LGR4: variants seen among roughly 807,000 people sequenced by gnomAD.
LGR4 encodes the protein leucine rich repeat containing G protein-coupled receptor 4.
In LGR4, 44 loss-of-function variants were observed where a neutral mutation model predicts 84.8. The ratio of observed to expected loss-of-function variants is 0.52; its 90% CI spans 0.41 to 0.67. LGR4 has a LOEUF of 0.67. LGR4 is among the 30% of genes least tolerant of loss of function. LGR4 has a pLI of 0.00. For missense variants in LGR4, 1,032 were observed against 1,131.4 expected (o/e 0.91, Z 1.26); for synonymous variants, 429 against 434.3 (o/e 0.99, Z 0.15).
At chr11:27,444,806 C>A (rs1357269898) in intron 1 of LGR4, among the ~76,000 whole-genome samples, 2 of 152,274 alleles carry the variant, frequency 1.3e-5, no homozygotes, top group Middle Eastern at 3.4e-3. Context: ...TCTGAAAATA[C>A]CTAGTTCTGC....
chr11:27,457,145 T>C (rs952631582), intron 1 of LGR4, among the ~76,000 whole-genome samples: 1 of 152,192 alleles, frequency 6.6e-6, no homozygotes, highest in African/African-American at 2.4e-5. Flanking sequence ...TAAATCCCAG[T>C]TTGCTCAGTG....
chr11:27,456,860 G>T (rs1864584298), intron 1 of LGR4, among the ~76,000 whole-genome samples: 1 of 151,970 alleles, frequency 6.6e-6, no homozygotes, highest in Non-Finnish European at 1.5e-5. Context: ...GTAGATTTTT[G>T]ACTCTAAATC....
chr11:27,449,666 A>G (rs1287329808), intron 1 of LGR4, among the ~76,000 whole-genome samples: 2 of 152,136 alleles, frequency 1.3e-5, no homozygotes, highest in African/African-American at 4.8e-5. Context: ...TAAAAAGTAA[A>G]TAAAATAAAA....
chr11:27,455,269 G>A (rs150940571), intron 1 of LGR4, among the ~76,000 whole-genome samples: 1,588 of 152,140 alleles, frequency 0.01, 90 homozygotes, highest in Admixed American at 0.078. Context: ...AATGATTCTG[G>A]TCAAGTCATA....
At chr11:27,407,406 C>T (rs1863631399) in intron 2 of LGR4, among the ~76,000 whole-genome samples, 1 of 152,114 alleles carries the variant, frequency 6.6e-6, no homozygotes, top group African/African-American at 2.4e-5. Flanking sequence ...CAATTCCTGG[C>T]TGTGCTTTTA....
rs150053601 is a variant in LGR4, at chr11:27,457,044, AG to A, written c.185+15073del. On this transcript the variant is annotated intron_variant, in intron 1 of 17. Transcript: ENST00000379214. ...ATTGTCAAATATCTAAGCAAACTAC[AG>A]GGATGAGCAAACTTAAATATGGAAC... is the stretch of plus-strand genomic sequence containing the variant. 9.3e-3 allele frequency among the ~76,000 whole-genome samples: 1,409 copies of A among 152,248 alleles called. 22 individuals carry two copies. The highest frequency in any genetic ancestry group is 0.032 in the African/African-American group (1,325 of 41,546).
At position 27,472,330 on chromosome 11, in the gene LGR4, C is replaced by G. The variant is rs949490013; in HGVS notation, c.-28G>C. The G allele has an allele frequency of 8.4e-7, 1 of 1,195,658 alleles. No individual in the cohort carries two copies. The allele number at this position is 1,195,658 out of a possible 1,614,324, so 74.1% of individuals were successfully genotyped here. A position where few individuals can be genotyped will look rare whatever the true frequency, so the allele number is the denominator to read the frequency against. On this transcript the variant is annotated 5_prime_UTR_variant, in exon 1 of 18. Transcript: ENST00000379214. ...CTGCGGCCGCCTCCCGCGCCGGCCT[C>G]TCCCGCGGCGCTGCTCGCTCCGCTG...
chr11:27,406,910 T>C (rs945487607), intron 2 of LGR4, among the ~76,000 whole-genome samples: 1 of 152,152 alleles, frequency 6.6e-6, no homozygotes, highest in Non-Finnish European at 1.5e-5. Flanking sequence ...AGTCAAACTT[T>C]AGTTTGGAAG....
At chr11:27,433,781 G>A (rs1864158999) in intron 1 of LGR4, among the ~76,000 whole-genome samples, 1 of 152,146 alleles carries the variant, frequency 6.6e-6, no homozygotes, top group African/African-American at 2.4e-5. Flanking sequence ...AGCACAGTGT[G>A]GTGGTTCAAC....
chr11:27,372,499 T>G (rs1434485695), intron 15 of LGR4, 101 bp from the exon 16 acceptor site: 1 of 720,508 alleles, frequency 1.4e-6, no homozygotes, highest in Non-Finnish European at 2.4e-6. Context: ...AGCCTAGGAG[T>G]CAGAAAGATC....
intron 1 of LGR4, among the ~76,000 whole-genome samples, chr11:27,413,222 C>T (rs540591768): frequency 4.6e-5 from 7 of 152,066 alleles, no homozygotes; most frequent in South Asian, 4.2e-4. Flanking sequence ...ACCCTAGGAA[C>T]GATATGTAGA....
chr11:27,372,589 GACA>G (rs1255193705), intron 15 of LGR4, among the ~76,000 whole-genome samples, 191 bp from the exon 16 acceptor site: 2 of 152,194 alleles, frequency 1.3e-5, no homozygotes, highest in East Asian at 1.9e-4. Flanking sequence ...GGTATCAGAT[GACA>G]ACGAGACTTT....
rs759405820 is a variant in LGR4 at position 27,368,015 on chromosome 11, G to A, written c.2708C>T (p.Ser903Leu). 1.3e-4 allele frequency: 211 copies of A among 1,591,046 alleles called. No individual in the cohort carries two copies. The highest frequency in any genetic ancestry group is 1.8e-4 in the Non-Finnish European group (206 of 1,160,842). The change falls in exon 18 of 18, where the codon TCG (serine) becomes TTG (leucine). Residue 903 changes from serine to leucine, a missense_variant. Ser to Leu is a moderately radical substitution (Grantham distance 145). Transcript: ENST00000379214. Reference protein sequence around the residue: ...EGYWSDCGTQSAHSDYADEED... With the variant: ...EGYWSDCGTQLAHSDYADEED... ...TTCATCTGCATAATCAGAGTGGGCC[G>A]ACTGTGTGCCACAGTCGGACCAGTA...
chr11:27,411,332 T>C (rs35588682), intron 2 of LGR4, among the ~76,000 whole-genome samples: 30,191 of 151,728 alleles, frequency 0.2, 3,182 homozygotes, highest in East Asian at 0.28. Flanking sequence ...TTAAACTCAA[T>C]TGAAAAATCT....
chr11:27,463,856 C>T (rs1261319419), intron 1 of LGR4, among the ~76,000 whole-genome samples: 1 of 152,104 alleles, frequency 6.6e-6, no homozygotes, highest in African/African-American at 2.4e-5. Context: ...TTTAATGTTC[C>T]CTTCTTATGA....
chr11:27,424,841 C>T (rs986591789), intron 1 of LGR4, among the ~76,000 whole-genome samples: 11 of 152,104 alleles, frequency 7.2e-5, no homozygotes, highest in Admixed American at 5.2e-4. Context: ...CTCTGCCTCC[C>T]GGTTCAGGCA....
At chr11:27,431,972 G>C (rs1590389071) in intron 1 of LGR4, among the ~76,000 whole-genome samples, 1 of 152,274 alleles carries the variant, frequency 6.6e-6, no homozygotes, top group East Asian at 1.9e-4. Flanking sequence ...AAAGTGTTTG[G>C]ATCATGCTGA....
At chr11:27,429,393 C>T (rs1864077216) in intron 1 of LGR4, among the ~76,000 whole-genome samples, 1 of 151,372 alleles carries the variant, frequency 6.6e-6, no homozygotes, top group African/African-American at 2.4e-5. Flanking sequence ...GCTGAGGCAG[C>T]AGAATCACGA....
At chr11:27,454,719 C>A (rs1220735587) in intron 1 of LGR4, among the ~76,000 whole-genome samples, 12 of 151,340 alleles carry the variant, frequency 7.9e-5, no homozygotes, top group Non-Finnish European at 1.5e-4. Context: ...CGAGATCATG[C>A]CACCTGCTCT....
Sources: gnomAD v4.1 joint callset for allele counts (sites outside exome capture counted in the v4.1 genomes callset) on GRCh38, gnomAD v4.1.1 for gene constraint, MANE v1.5 for transcripts, NCBI Gene and HGNC (gene_info 2026-07-23, HGNC 2026-07-21) for gene names.